Variants in DDHD2 observed in about 807,000 individuals in gnomAD.
The protein encoded by DDHD2 is triacylglycerol hydrolase DDHD2.
A neutral mutation model predicts 91.2 loss-of-function variants in DDHD2; 62 were observed. The ratio of observed to expected loss-of-function variants is 0.68; its 90% CI spans 0.55 to 0.84. The LOEUF (loss-of-function observed/expected upper bound fraction) is 0.84. Ranked by LOEUF, DDHD2 falls within the 40% of genes least tolerant of loss-of-function variation. The pLI is 0.00. For synonymous variants in DDHD2, 271 were observed against 293.9 expected (o/e 0.92, Z 0.80); for missense variants, 740 against 846.9 (o/e 0.87, Z 1.57).
chr8:38,249,871 G>A (rs1056694132), intron 11 of DDHD2, 68 bp downstream of exon 11: 31 of 1,123,914 alleles, frequency 2.8e-5, no homozygotes, highest in Admixed American at 7.0e-5. Flanking sequence ...CTTGTGCTTT[G>A]TGGGATGTTT....
chr8:38,268,599 C>G (rs1384280240), intron 1 of DDHD2: 20 of 1,453,090 alleles, frequency 1.4e-5, no homozygotes, highest in Non-Finnish European at 1.8e-5. Context: ...GGGCGCCAGG[C>G]AGCGCCACCA....
At chr8:38,240,757 A>G (rs1805190704) in intron 6 of DDHD2, among the ~76,000 whole-genome samples, 1 of 152,214 alleles carries the variant, frequency 6.6e-6, no homozygotes, top group East Asian at 1.9e-4. Context: ...GATTTAAGTC[A>G]TTAGTATAAC....
intron 1 of DDHD2, chr8:38,270,085 T>C (rs944927480): frequency 2.6e-5 from 4 of 152,182 alleles, no homozygotes; most frequent in Non-Finnish European, 4.4e-5. Context: ...CATCAAGTCA[T>C]TATACAGTAA....
rs1478829629 is a variant in DDHD2 at position 38,261,303 on chromosome 8, A to G, written c.*730A>G. 1 of 152,192 alleles carries G rather than the reference A, an allele frequency of 6.6e-6. No homozygotes were observed. Among genetic ancestry groups the G allele is most frequent in the East Asian group, 1.9e-4 (1 of 5,204 alleles). 9.4% of individuals were successfully genotyped at this position (152,192 alleles called of 1,614,324 possible). A position where few individuals can be genotyped will look rare whatever the true frequency, so the allele number is the denominator to read the frequency against. On this transcript the variant is annotated 3_prime_UTR_variant, in exon 18 of 18. Transcript: ENST00000397166. ...TTAGGTGCATCTTTATAAAGCAAAG[A>G]TGTTGTATATCCTAGGCCTCCCTTT... is the stretch of plus-strand genomic sequence containing the variant.
chr8:38,235,034 G>A (rs776506101), intron 3 of DDHD2, among the ~76,000 whole-genome samples: 1 of 151,974 alleles, frequency 6.6e-6, no homozygotes, highest in Non-Finnish European at 1.5e-5. Flanking sequence ...ATGGTTTGAC[G>A]GTTTGTAAAG....
At chr8:38,240,944 G>A (rs910407526) in intron 6 of DDHD2, among the ~76,000 whole-genome samples, 4 of 151,844 alleles carry the variant, frequency 2.6e-5, no homozygotes, top group Admixed American at 6.6e-5. Flanking sequence ...AGTGGCAGGC[G>A]CCTGTAATCC....
At chr8:38,235,358 C>A (rs1480615202) in intron 3 of DDHD2, among the ~76,000 whole-genome samples, 1 of 151,980 alleles carries the variant, frequency 6.6e-6, no homozygotes, top group Non-Finnish European at 1.5e-5. Flanking sequence ...CAGGTGTGAG[C>A]TACTGTGCTT....
intron 15 of DDHD2, 115 bp from the exon 16 acceptor site, chr8:38,253,441 C>T (rs1195672380): frequency 3.2e-6 from 3 of 930,936 alleles, no homozygotes; most frequent in East Asian, 2.5e-5. Context: ...GGAGAGAGCT[C>T]TCTGAACAGA....
At chr8:38,265,063 T>C (rs543976752), downstream of DDHD2, 35 of 761,508 alleles carry the variant, frequency 4.6e-5, 1 homozygote, top group South Asian at 5.0e-4. Context: ...GGTCAGGAGA[T>C]TGAGACCAGC....
chr8:38,268,871 T>A lies in DDHD2; in HGVS notation n.88-2251T>A, dbSNP rs764729347. ...ATGGGGAGGGAGGAAAGACGATCTTTCTCCACGCACAAACATCGGCTTGGT... is the reference window on the plus strand; with the variant it reads ...ATGGGGAGGGAGGAAAGACGATCTTACTCCACGCACAAACATCGGCTTGGT... On this transcript the variant is annotated intron_variant and non_coding_transcript_variant, in intron 1 of 1. Coordinates refer to the DDHD2 transcript ENST00000526071. 7.1e-6 allele frequency: 11 copies of A among 1,543,584 alleles called. No homozygotes were observed. The African/African-American group carries it at 1.5e-4, about 22-fold the overall frequency.
rs915750989 is a variant in DDHD2, at chr8:38,262,714, T to A, written c.*2141T>A. On this transcript the variant is annotated 3_prime_UTR_variant, in exon 18 of 18. Transcript: ENST00000397166. ...TCTAATATTTTGCATTTTTGAAATG[T>A]TTGTTTTCTACGTGATTATATTTAA... 1.3e-5 allele frequency: 2 copies of A among 152,204 alleles called. No individual in the cohort carries two copies. Among genetic ancestry groups the A allele is most frequent in the African/African-American group, 2.4e-5 (1 of 41,454 alleles). 9.4% of individuals were successfully genotyped at this position (152,204 alleles called of 1,614,324 possible).
intron 10 of DDHD2, among the ~76,000 whole-genome samples, chr8:38,248,506 C>T (rs1351881132): frequency 1.3e-5 from 2 of 151,914 alleles, no homozygotes; most frequent in East Asian, 3.9e-4. Context: ...TGATCCCTGA[C>T]CTCATAGTGT....
chr8:38,233,004 G>A lies in DDHD2; in HGVS notation c.10G>A (p.Val4Met). The change falls in exon 2 of 18, where the codon GTG becomes ATG. Residue 4 changes from valine to methionine, a missense_variant. Val to Met is a conservative substitution (Grantham distance 21, BLOSUM62 1). This residue lies in a region of DDHD2 where 693 missense variants were observed against 764.2 expected (regional missense o/e 0.91). Transcript: ENST00000397166. The part of the protein sequence containing the change: MSS[V>M]QSQQEQLSQS... ...GTCTTTAGAGAGCGAAATGTCATCA[G>A]TGCAGTCACAACAGGAGCAGTTGTC... 7 of 1,614,074 alleles carry A rather than the reference G, an allele frequency of 4.3e-6. No homozygotes were observed. The highest frequency in any genetic ancestry group is 5.9e-6 in the Non-Finnish European group (7 of 1,179,972).
downstream of DDHD2, chr8:38,264,865 C>A (rs927354618): frequency 3.1e-5 from 50 of 1,609,466 alleles, no homozygotes; most frequent in Non-Finnish European, 4.1e-5. Flanking sequence ...TCAGAGTGTA[C>A]TAAATTAGAA....
chr8:38,259,601 G>T (rs1806815636), intron 16 of DDHD2, among the ~76,000 whole-genome samples: 2 of 152,098 alleles, frequency 1.3e-5, no homozygotes, highest in Non-Finnish European at 2.9e-5. Context: ...GGCCAGGCTG[G>T]TCTCAAACTC....
chr8:38,251,395 A>G (rs1806097723), intron 11 of DDHD2: 1 of 152,396 alleles, frequency 6.6e-6, no homozygotes, highest in African/African-American at 2.4e-5. Context: ...CTTTTTAAAG[A>G]CTCAGTTCTT....
At chr8:38,248,736 G>A (rs1027378734) in intron 10 of DDHD2, among the ~76,000 whole-genome samples, 2 of 151,904 alleles carry the variant, frequency 1.3e-5, no homozygotes, top group African/African-American at 4.8e-5. Context: ...CACGAGGTCA[G>A]GAGTTCGAGA....
chr8:38,249,843 T>C (rs759355470), intron 11 of DDHD2, 40 bp downstream of exon 11: 5 of 1,374,856 alleles, frequency 3.6e-6, no homozygotes, highest in Non-Finnish European at 5.1e-6. Flanking sequence ...AACAATTCTT[T>C]GATGTCCATA....
At chr8:38,248,388 C>G (rs1475766308) in intron 10 of DDHD2, among the ~76,000 whole-genome samples, 1 of 114,074 alleles carries the variant, frequency 8.8e-6, no homozygotes, top group Non-Finnish European at 1.8e-5. Context: ...TTTTTTTTTT[C>G]CATTTTTGTC....
Sources: gnomAD v4.1 joint callset for allele counts (sites outside exome capture counted in the v4.1 genomes callset) on GRCh38, gnomAD v4.1.1 for gene constraint, gnomAD v4.1.1 regional missense constraint, MANE v1.5 for transcripts, NCBI Gene and HGNC (gene_info 2026-07-23, HGNC 2026-07-21) for gene names.